Variants in RBP5 observed in about 807,000 individuals in gnomAD.
The protein encoded by RBP5 is retinol-binding protein 5.
Under a neutral mutation model 17.8 loss-of-function variants are expected in RBP5, and 12 were observed. The ratio of observed to expected loss-of-function variants is 0.67; its 90% CI spans 0.43 to 1.09. The LOEUF is 1.09. Ranked by LOEUF, RBP5 falls within the 50% of genes least tolerant of loss-of-function variation. The pLI is 0.00. For missense variants in RBP5, 172 were observed against 169.4 expected (o/e 1.02, Z -0.09); for synonymous variants, 64 against 68.1 (o/e 0.94, Z 0.30).
At chr12:7,120,176 G>A (rs969587929), downstream of RBP5, among the ~76,000 whole-genome samples, 1 of 152,124 alleles carries the variant, frequency 6.6e-6, no homozygotes, top group Non-Finnish European at 1.5e-5. Flanking sequence ...GGGTCAAGAA[G>A]CCCTTGAGAA....
chr12:7,123,356 C>T (rs752074117), downstream of RBP5, among the ~76,000 whole-genome samples: 12 of 152,340 alleles, frequency 7.9e-5, no homozygotes, highest in South Asian at 1.2e-3. Flanking sequence ...GTATTACTGT[C>T]TTTTATTCCT....
In RBP5 at chr12:7,128,869, CCA is replaced by C. The variant is rs1163071210; in HGVS notation, c.-96_-95del. On this transcript the variant is annotated 5_prime_UTR_variant, in exon 1 of 4. Transcript: ENST00000266560. This position sits in a 1 kb window ranked among gnomAD's most constrained non-coding sequence, Gnocchi z 5.3. The stretch of plus-strand genomic sequence containing the variant: ...TGAGGCTGAGAGATTCCAGCCAGCT[CCA>C]CACACAGAGACAGGATGTGTAATGG... 23 of 993,314 alleles carry C rather than the reference CCA, an allele frequency of 2.3e-5. No individual in the cohort carries two copies. The highest frequency in any genetic ancestry group is 4.0e-5 in the Admixed American group (2 of 50,164). The allele number at this position is 993,314 out of a possible 1,614,324, so 61.5% of individuals were successfully genotyped here.
rs944687736 is a variant in RBP5, at chr12:7,128,391, G to A, written c.101C>T (p.Ala34Val). ...CTCCTTGTCCGGCTTCAGCAGCAGCGCGATCTTCCGCACAGCCAAGCTGAT... is the reference window on the plus strand; with the variant it reads ...CTCCTTGTCCGGCTTCAGCAGCAGCACGATCTTCCGCACAGCCAAGCTGAT... ...LNISLAVRKI[A>V]LLLKPDKEIE... is the part of the protein sequence containing the mutation. Residue 34 changes from alanine (A) to valine (V), a missense_variant, in exon 2 of 4, where the codon GCG becomes GTG. Transcript: ENST00000266560. This position sits in a 1 kb window ranked among gnomAD's most constrained non-coding sequence, Gnocchi z 5.3. 7 of 1,614,146 alleles carry A rather than the reference G, an allele frequency of 4.3e-6. No homozygotes were observed. In the South Asian group the frequency reaches 4.4e-5, roughly 10 times the overall value.
chr12:7,122,250 G>C (rs1003297085), downstream of RBP5: 2 of 152,252 alleles, frequency 1.3e-5, no homozygotes, highest in East Asian at 1.9e-4. Context: ...TGCAGGTCGA[G>C]CTCCCACCCT....
At chr12:7,116,920 C>G (rs967509102) in exon 4 of RBP5, 6 of 152,212 alleles carry the variant, frequency 3.9e-5, no homozygotes, top group Admixed American at 2.0e-4. Flanking sequence ...AAGTCACCCC[C>G]ACATTTTGTT....
Position 7,124,063 on chromosome 12 carries a change from G to T in RBP5, c.*58C>A. The T allele has an allele frequency of 2.0e-6, 3 of 1,530,788 alleles. No individual in the cohort carries two copies. Among genetic ancestry groups the T allele is most frequent in the South Asian group, 1.1e-5 (1 of 89,446 alleles). 94.8% of individuals were successfully genotyped at this position (1,530,788 alleles called of 1,614,324 possible). ...CTGGCACAATCTGGGCTTGAAGGGGGCACAACAAGAGCGTCTGTGAGCTGG... is the reference window on the plus strand; with the variant it reads ...CTGGCACAATCTGGGCTTGAAGGGGTCACAACAAGAGCGTCTGTGAGCTGG... On this transcript the variant is annotated 3_prime_UTR_variant, in exon 4 of 4. Transcript: ENST00000266560. The surrounding 1 kb of genome is among the most constrained non-coding windows in gnomAD (Gnocchi z 5.3).
At position 7,128,286 on chromosome 12, in the gene RBP5, A is replaced by G; in HGVS notation, c.206T>C (p.Val69Ala). ...RNYTVQFDVGVEFEEDLRSVD... is the reference protein window; with the variant it reads ...RNYTVQFDVGAEFEEDLRSVD... ...GCTCCTGAGGTCCTCCTCAAACTCCACTCCCACATCAAACTGCACAGTGTA... is the reference window on the plus strand; with the variant it reads ...GCTCCTGAGGTCCTCCTCAAACTCCGCTCCCACATCAAACTGCACAGTGTA... The change falls in exon 2 of 4, where the codon GTG becomes GCG. Residue 69 changes from valine to alanine, a missense_variant. Physicochemically the swap from Val to Ala is moderately conservative, Grantham distance 64. Transcript: ENST00000266560. This position sits in a 1 kb window ranked among gnomAD's most constrained non-coding sequence, Gnocchi z 5.3. 6.2e-7 allele frequency: 1 copy of G among 1,613,706 alleles called. No homozygotes were observed. Among genetic ancestry groups the G allele is most frequent in the Non-Finnish European group, 8.5e-7 (1 of 1,179,910 alleles).
Position 7,124,702 on chromosome 12 carries a change from A to C in RBP5, c.281T>G (p.Leu94Arg). The C allele has an allele frequency of 6.2e-7, 1 of 1,611,148 alleles. No individual in the cohort carries two copies. Residue 94 changes from leucine (L) to arginine (R), a missense_variant, in exon 3 of 4, where the codon CTG becomes CGG. Transcript: ENST00000266560. The surrounding 1 kb of genome is among the most constrained non-coding windows in gnomAD (Gnocchi z 5.3). ...QTIVTWEEEHLVCVQKGEVPN... is the reference protein window; with the variant it reads ...QTIVTWEEEHRVCVQKGEVPN... ...GACCTCCCCTTTCTGCACACACACCAGGTGCTCCTCCTCCCAGGTTACTAT... is the reference window on the plus strand; with the variant it reads ...GACCTCCCCTTTCTGCACACACACCCGGTGCTCCTCCTCCCAGGTTACTAT...
chr12:7,126,653 A>G (rs1010856106), intron 2 of RBP5, among the ~76,000 whole-genome samples: 2 of 152,164 alleles, frequency 1.3e-5, no homozygotes, highest in African/African-American at 2.4e-5. Context: ...GAGAGTAGAT[A>G]TAAAAGTGGG....
At chr12:7,118,001 G>A (rs1939026820) in intron 3 of RBP5, 1 of 152,228 alleles carries the variant, frequency 6.6e-6, no homozygotes, top group Non-Finnish European at 1.5e-5. Flanking sequence ...TCATGGCTGA[G>A]GCTGCATTTG....
At chr12:7,125,224 A>T (rs1209850796) in intron 2 of RBP5, among the ~76,000 whole-genome samples, 1 of 152,148 alleles carries the variant, frequency 6.6e-6, no homozygotes, top group Non-Finnish European at 1.5e-5. Flanking sequence ...CCTAAAGGTC[A>T]CCGAGGGGGG....
At chr12:7,123,301 T>G (rs1040314250), downstream of RBP5, among the ~76,000 whole-genome samples, 3 of 152,234 alleles carry the variant, frequency 2.0e-5, no homozygotes, top group Non-Finnish European at 2.9e-5. Flanking sequence ...AGGGTCCCTA[T>G]AGCCAGGACT....
intron 2 of RBP5, chr12:7,127,836 G>A: frequency 1.6e-6 from 1 of 644,150 alleles, no homozygotes; most frequent in Non-Finnish European, 2.8e-6. Context: ...GGATTAATAG[G>A]AGGACTAGGA....
chr12:7,127,898 A>T (rs1173098368), intron 2 of RBP5, among the ~76,000 whole-genome samples: 1 of 152,268 alleles, frequency 6.6e-6, no homozygotes, highest in Non-Finnish European at 1.5e-5. Flanking sequence ...GAAATGCAGG[A>T]GAGTGAAGTT....
At chr12:7,129,913 C>G (rs1468080152), upstream of RBP5, 1 of 618,524 alleles carries the variant, frequency 1.6e-6, no homozygotes, top group African/African-American at 2.0e-5. The surrounding 1 kb of genome is among the most constrained non-coding windows in gnomAD (Gnocchi z 5.5). Flanking sequence ...CTGTGGCTTC[C>G]TCGCAGCCCT....
chr12:7,120,775 C>T (rs868772355), downstream of RBP5: 3 of 153,440 alleles, frequency 2.0e-5, no homozygotes, highest in South Asian at 6.2e-4. Flanking sequence ...CCTGTAATCC[C>T]AGCACTTTGG....
chr12:7,123,918 T>C lies in RBP5; in HGVS notation c.*203A>G, dbSNP rs986436114. On this transcript the variant is annotated 3_prime_UTR_variant, in exon 4 of 4. Transcript: ENST00000266560. ...CCTTGACCTGGAAGTGAGGTCACTA[T>C]TGGGCAGTGGAGTGTGAGAAAGGAC... The C allele has an allele frequency of 2.1e-5, 12 of 583,024 alleles. No individual in the cohort carries two copies. In the East Asian group the frequency reaches 2.3e-4, roughly 11 times the overall value. 36.1% of individuals were successfully genotyped at this position (583,024 alleles called of 1,614,324 possible).
At position 7,124,617 on chromosome 12, in the gene RBP5, C is replaced by A. The variant is rs563221675; in HGVS notation, c.354+12G>T. The A allele has an allele frequency of 2.7e-6, 4 of 1,482,630 alleles. No homozygotes were observed. Among genetic ancestry groups the A allele is most frequent in the Non-Finnish European group, 2.8e-6 (3 of 1,060,710 alleles). 91.8% of individuals were successfully genotyped at this position (1,482,630 alleles called of 1,614,324 possible). On this transcript the variant is annotated intron_variant, in intron 3 of 3. Coordinates refer to ENST00000266560, the MANE Select transcript of RBP5 (RefSeq NM_031491.4). This position sits in a 1 kb window ranked among gnomAD's most constrained non-coding sequence, Gnocchi z 5.3. ...GCCCTTCTCCCAGACACCCAGCCCC[C>A]ACCCCATTTACCAGATACAGCATCT...
Position 7,124,233 on chromosome 12 carries a change from C to T in RBP5, c.355-59G>A. 1.9e-6 allele frequency: 3 copies of T among 1,543,340 alleles called. No homozygotes were observed. Among genetic ancestry groups the T allele is most frequent in the Non-Finnish European group, 2.7e-6 (3 of 1,116,788 alleles). ...AAGAGGGCGTTTGCCAGCCAGAGCC[C>T]CTTTCTCAAGGTCCTTGACCTCCAT... On this transcript the variant is annotated intron_variant, in intron 3 of 3. Coordinates refer to ENST00000266560, the MANE Select transcript of RBP5 (RefSeq NM_031491.4). The surrounding 1 kb of genome is among the most constrained non-coding windows in gnomAD (Gnocchi z 5.3).
Sources: allele counts gnomAD v4.1 joint callset (sites outside exome capture counted in the v4.1 genomes callset), GRCh38; gene constraint gnomAD v4.1.1; non-coding constraint Gnocchi (gnomAD v3.1); transcripts MANE v1.5; gene names NCBI Gene and HGNC (gene_info 2026-07-23, HGNC 2026-07-21).